The following QKI variants were observed in gnomAD, a reference collection of about 807,000 sequenced individuals.
QKI encodes QKI, KH domain containing RNA binding, also known as KH domain-containing RNA-binding protein QKI.
QKI carries 10 observed loss-of-function variants against 39.0 expected under a neutral mutation model. That is an observed-to-expected ratio of 0.26 (90% confidence interval 0.16 to 0.43). QKI has a LOEUF of 0.43. QKI is among the 20% of genes least tolerant of loss of function. The pLI is 1.00. For missense variants in QKI, 218 were observed against 428.0 expected (o/e 0.51, Z 4.33); for synonymous variants, 204 against 155.4 (o/e 1.31, Z -2.33).
chr6:163,543,888 A>G (rs1482954651), intron 4 of QKI, among the ~76,000 whole-genome samples: 1 of 152,070 alleles, frequency 6.6e-6, no homozygotes, highest in Non-Finnish European at 1.5e-5. Flanking sequence ...ATTTAAATAT[A>G]TTTTCAGATA....
At chr6:163,505,039 T>TA (rs1169830740) in intron 3 of QKI, among the ~76,000 whole-genome samples, 2 of 152,118 alleles carry the variant, frequency 1.3e-5, no homozygotes, top group Non-Finnish European at 2.9e-5. Flanking sequence ...AGCTGTAGCT[T>TA]AAAGGGCCTG....
At position 163,556,937 on chromosome 6, in the gene QKI, C is replaced by G. The variant is rs575225467; in HGVS notation, c.547-5045C>G. On this transcript the variant is annotated intron_variant, in intron 4 of 7. Transcript: ENST00000361752. ...TTCCATAATATTTTCCATACAAATA[C>G]AAGGGAAATATTCATCTGCCCTATG... 9.2e-5 allele frequency among the ~76,000 whole-genome samples: 14 copies of G among 152,232 alleles called. No homozygotes were observed. In the East Asian group the frequency reaches 2.1e-3, roughly 23 times the overall value.
At chr6:163,552,435 C>A (rs1260977508) in intron 4 of QKI, among the ~76,000 whole-genome samples, 1 of 152,096 alleles carries the variant, frequency 6.6e-6, no homozygotes, top group Non-Finnish European at 1.5e-5. Context: ...TGGTCTCGAT[C>A]TCCTGACCTC....
At chr6:163,417,316 C>T (rs1016600228) in intron 1 of QKI, among the ~76,000 whole-genome samples, 6 of 151,962 alleles carry the variant, frequency 3.9e-5, no homozygotes, top group Admixed American at 2.6e-4. Context: ...TGAAAATAGG[C>T]CTTGGCAATA....
chr6:163,486,266 A>G (rs1411150041), intron 3 of QKI, among the ~76,000 whole-genome samples: 1 of 152,252 alleles, frequency 6.6e-6, no homozygotes, highest in Non-Finnish European at 1.5e-5. Context: ...CATTCTTGTC[A>G]GAATGTGGGC....
chr6:163,511,378 T>C (rs925578005), intron 3 of QKI, among the ~76,000 whole-genome samples: 1 of 151,978 alleles, frequency 6.6e-6, no homozygotes, highest in Admixed American at 6.6e-5. Flanking sequence ...ATTCTTGAAA[T>C]AGAATACGGA....
At chr6:163,543,733 T>C (rs574781678) in intron 4 of QKI, among the ~76,000 whole-genome samples, 1 of 152,158 alleles carries the variant, frequency 6.6e-6, no homozygotes, top group South Asian at 2.1e-4. Context: ...AATGAGTTGA[T>C]CCATGTTCCC....
At chr6:163,535,659 G>A (rs145644539) in intron 4 of QKI, among the ~76,000 whole-genome samples, 1,736 of 152,102 alleles carry the variant, frequency 0.011, 25 homozygotes, top group African/African-American at 0.04. Context: ...GGCTGGGTGC[G>A]GTGGCTCATG....
At chr6:163,566,839 G>C in intron 7 of QKI, 44 bp downstream of exon 7, 1 of 1,601,934 alleles carries the variant, frequency 6.2e-7, no homozygotes, top group Non-Finnish European at 8.5e-7. Context: ...AATGCGTTGG[G>C]TGTCCATAAA....
At chr6:163,460,065 A>C (rs754497859) in intron 2 of QKI, among the ~76,000 whole-genome samples, 3 of 152,218 alleles carry the variant, frequency 2.0e-5, no homozygotes, top group Admixed American at 2.0e-4. Flanking sequence ...GTTCTATAGG[A>C]TCTGCCAGAG....
intron 1 of QKI, among the ~76,000 whole-genome samples, chr6:163,454,514 T>C (rs1282565211): frequency 1.3e-5 from 2 of 152,168 alleles, no homozygotes; most frequent in Non-Finnish European, 2.9e-5. Flanking sequence ...TTTTGCTGTT[T>C]ATCTTACATT....
At chr6:163,511,951 C>T (rs1419801252) in intron 3 of QKI, among the ~76,000 whole-genome samples, 4 of 142,602 alleles carry the variant, frequency 2.8e-5, no homozygotes, top group Admixed American at 2.2e-4. Flanking sequence ...ACATTTTAAA[C>T]AAAATTTGAG....
At chr6:163,561,113 A>G (rs1362676039) in intron 4 of QKI, among the ~76,000 whole-genome samples, 2 of 152,234 alleles carry the variant, frequency 1.3e-5, no homozygotes, top group African/African-American at 4.8e-5. Context: ...ATGGTGGTGT[A>G]AGAGAGCAGA....
At chr6:163,455,079 G>A in intron 1 of QKI, 200 bp from the exon 2 acceptor site, 2 of 377,962 alleles carry the variant, frequency 5.3e-6, no homozygotes, top group East Asian at 7.8e-5. Context: ...TATAAAAATT[G>A]GTTTGTAGTA....
intron 3 of QKI, among the ~76,000 whole-genome samples, chr6:163,503,334 G>T (rs556784901): frequency 6.6e-6 from 1 of 152,120 alleles, no homozygotes; most frequent in South Asian, 2.1e-4. Flanking sequence ...TCTTCTGCAT[G>T]TGGCTAGCCA....
chr6:163,531,033 T>C (rs188362652), intron 3 of QKI, among the ~76,000 whole-genome samples: 2 of 152,172 alleles, frequency 1.3e-5, no homozygotes, highest in East Asian at 3.9e-4. Context: ...TTTTTTTTTA[T>C]CTCTGTCTTT....
At chr6:163,454,242 A>G (rs1358797466) in intron 1 of QKI, among the ~76,000 whole-genome samples, 1 of 152,126 alleles carries the variant, frequency 6.6e-6, no homozygotes, top group Non-Finnish European at 1.5e-5. Context: ...TAGAAGCTTA[A>G]TAATTTTTGA....
chr6:163,455,252 C>T, intron 1 of QKI, 27 bp from the exon 2 acceptor site: 1 of 1,582,542 alleles, frequency 6.3e-7, no homozygotes, highest in South Asian at 1.2e-5. Flanking sequence ...TTTTGTCTAA[C>T]ACATTTAAAA....
intron 3 of QKI, among the ~76,000 whole-genome samples, chr6:163,488,948 T>C (rs1583079796): frequency 6.6e-6 from 1 of 151,326 alleles, no homozygotes; most frequent in South Asian, 2.1e-4. Flanking sequence ...TTTTTATTTT[T>C]AGTTTTTGGT....
Sources: allele counts gnomAD v4.1 joint callset (sites outside exome capture counted in the v4.1 genomes callset), GRCh38; gene constraint gnomAD v4.1.1; transcripts MANE v1.5; gene names NCBI Gene and HGNC (gene_info 2026-07-23, HGNC 2026-07-21).